The following EMCN variants were observed in gnomAD, a reference collection of about 807,000 sequenced individuals.
The protein encoded by EMCN is endomucin, also known as MUC-14.
A neutral mutation model predicts 38.4 loss-of-function variants in EMCN; 37 were observed. The ratio of observed to expected loss-of-function variants is 0.96; its 90% CI spans 0.74 to 1.27. EMCN has a LOEUF of 1.27. Among genes scored for constraint, EMCN ranks in the 50% most tolerant of loss-of-function variants. The pLI, the probability that EMCN is intolerant of heterozygous loss-of-function variation, is 0.00. For synonymous variants in EMCN, 95 were observed against 100.8 expected (o/e 0.94, Z 0.35); for missense variants, 318 against 302.8 (o/e 1.05, Z -0.37).
chr4:100,496,241 C>T (rs1000460454), intron 1 of EMCN, among the ~76,000 whole-genome samples: 2 of 152,092 alleles, frequency 1.3e-5, no homozygotes, highest in Non-Finnish European at 2.9e-5. Flanking sequence ...CTCTTCCTAT[C>T]CTCCTGGGTG....
intron 11 of EMCN, among the ~76,000 whole-genome samples, chr4:100,399,223 T>C (rs1310274041): frequency 6.6e-6 from 1 of 152,180 alleles, no homozygotes; most frequent in African/African-American, 2.4e-5. Context: ...GAGCAAGAGA[T>C]GGAGACTTCT....
At chr4:100,452,274 G>C (rs1727864150) in intron 4 of EMCN, among the ~76,000 whole-genome samples, 1 of 152,014 alleles carries the variant, frequency 6.6e-6, no homozygotes, top group African/African-American at 2.4e-5. Flanking sequence ...AAATACATTT[G>C]ATAATTTATT....
intron 4 of EMCN, among the ~76,000 whole-genome samples, chr4:100,464,450 A>C (rs1053379684): frequency 1.3e-5 from 2 of 152,106 alleles, no homozygotes; most frequent in Non-Finnish European, 2.9e-5. Context: ...TGATAAGAAC[A>C]GACATCTTTG....
intron 11 of EMCN, among the ~76,000 whole-genome samples, chr4:100,408,524 T>C (rs1242859558): frequency 6.6e-6 from 1 of 152,202 alleles, no homozygotes; most frequent in East Asian, 1.9e-4. Flanking sequence ...TGGTTTGCAA[T>C]TTAATAGATA....
At chr4:100,446,920 A>C (rs1018993014) in intron 5 of EMCN, among the ~76,000 whole-genome samples, 10 of 152,252 alleles carry the variant, frequency 6.6e-5, no homozygotes, top group Admixed American at 2.0e-4. Flanking sequence ...AAAGCTTATG[A>C]GATTTGTCAT....
At chr4:100,410,049 G>T (rs1016700980) in intron 11 of EMCN, among the ~76,000 whole-genome samples, 7 of 152,200 alleles carry the variant, frequency 4.6e-5, no homozygotes, top group African/African-American at 1.7e-4. Flanking sequence ...AGCAAATTGT[G>T]TCATTCCTTA....
At chr4:100,475,659 C>CTTTTTTTTTTTT (rs869169290) in intron 2 of EMCN, among the ~76,000 whole-genome samples, 1 of 60,316 alleles carries the variant, frequency 1.7e-5, no homozygotes, top group African/African-American at 8.4e-5. Flanking sequence ...AATTCTAGTC[C>CTTTTTTTTTTTT]TTTTTTTTTT....
At position 100,463,918 on chromosome 4, in the gene EMCN, C is replaced by G. The variant is rs150531524; in HGVS notation, c.376+1505G>C. Among the ~76,000 whole-genome samples, 549 of 152,070 alleles carry G rather than the reference C, an allele frequency of 3.6e-3. 5 individuals carry two copies. Among genetic ancestry groups the G allele is most frequent in the African/African-American group, 0.013 (519 of 41,488 alleles). ...AGGTCCTTTTTATTTCCGTACAAAT[C>G]TAGGGTCATCTTATCAATTTCTTTA... is the stretch of plus-strand genomic sequence containing the variant. On this transcript the variant is annotated intron_variant, in intron 4 of 11. Transcript: ENST00000296420.
At chr4:100,431,561 C>T (rs188963976) in intron 5 of EMCN, among the ~76,000 whole-genome samples, 301 of 152,222 alleles carry the variant, frequency 2.0e-3, no homozygotes, top group Non-Finnish European at 3.7e-3. Context: ...AACACTGGCT[C>T]TTCTTGGAGC....
intron 4 of EMCN, among the ~76,000 whole-genome samples, chr4:100,462,707 T>G (rs1480212393): frequency 6.6e-6 from 1 of 152,172 alleles, no homozygotes; most frequent in Non-Finnish European, 1.5e-5. Flanking sequence ...AAACCACTAC[T>G]ACACGAAAAT....
intron 1 of EMCN, among the ~76,000 whole-genome samples, chr4:100,503,977 A>G (rs2110303494): frequency 6.6e-6 from 1 of 152,334 alleles, no homozygotes; most frequent in East Asian, 1.9e-4. Flanking sequence ...GAAGATGGGA[A>G]AAATAACCAT....
rs1297312589 is a variant in EMCN at position 100,495,250 on chromosome 4, A to C, written c.65-15211T>G. ...TTTTATTTCATTAAACATTGTTTACAAAGCTCAAATCAAATTTGCTGAGTC... is the reference window on the plus strand; with the variant it reads ...TTTTATTTCATTAAACATTGTTTACCAAGCTCAAATCAAATTTGCTGAGTC... On this transcript the variant is annotated intron_variant, in intron 1 of 11. Coordinates refer to ENST00000296420, the MANE Select transcript of EMCN (RefSeq NM_016242.4). Among the ~76,000 whole-genome samples, 7 of 152,180 alleles carry C rather than the reference A, an allele frequency of 4.6e-5. 1 individual carries two copies. The South Asian group carries it at 1.2e-3, about 27-fold the overall frequency.
chr4:100,422,637 C>T (rs1039319875), intron 7 of EMCN, among the ~76,000 whole-genome samples: 4 of 151,572 alleles, frequency 2.6e-5, no homozygotes, highest in African/African-American at 9.7e-5. Flanking sequence ...GGGTATACAA[C>T]CTGATAATTT....
intron 8 of EMCN, among the ~76,000 whole-genome samples, chr4:100,418,563 GT>G (rs1478857119): frequency 6.6e-6 from 1 of 151,928 alleles, no homozygotes; most frequent in Non-Finnish European, 1.5e-5. Flanking sequence ...CCAGCTTCTG[GT>G]AGCCATCCTT....
chr4:100,471,502 A>G (rs1169764109), intron 3 of EMCN, among the ~76,000 whole-genome samples: 5 of 151,966 alleles, frequency 3.3e-5, no homozygotes, highest in African/African-American at 1.2e-4. Flanking sequence ...GGAAAATTCT[A>G]CCAAATATTT....
In EMCN at chr4:100,473,379, T is replaced by TG. The variant is rs1728543970; in HGVS notation, c.259+1658_259+1659insC. On this transcript the variant is annotated intron_variant, in intron 3 of 11. Transcript: ENST00000296420. ...TCCCGTTTCGTGTTTTTTTGTTTTT[T>TG]TTTTTTGTTTTTTTTTTTGCTAATG... is the stretch of plus-strand genomic sequence containing the variant. 1.6e-5 allele frequency among the ~76,000 whole-genome samples: 2 copies of TG among 123,310 alleles called. 1 individual carries two copies. Among genetic ancestry groups the TG allele is most frequent in the Non-Finnish European group, 3.2e-5 (2 of 62,240 alleles). The allele number at this position is 123,310 out of a possible 152,430, so 80.9% of individuals were successfully genotyped here.
At chr4:100,517,770 A>C in intron 1 of EMCN, 81 bp downstream of exon 1, 1 of 1,269,920 alleles carries the variant, frequency 7.9e-7, no homozygotes, top group Non-Finnish European at 1.2e-6. Context: ...TCAGGGGAAG[A>C]TCCCTGAAAG....
At chr4:100,426,937 T>C (rs1727061253) in intron 5 of EMCN, among the ~76,000 whole-genome samples, 1 of 152,134 alleles carries the variant, frequency 6.6e-6, no homozygotes, top group South Asian at 2.1e-4. Flanking sequence ...TCTATGGGTT[T>C]ACAAAATCCC....
rs935249235 is a variant in EMCN at position 100,483,018 on chromosome 4, C to T, written c.65-2979G>A. ...GGCCCCTGATTTCCCCTGAGTCAAA[C>T]TTTAATTAATTAGTACTCTTTAACA... On this transcript the variant is annotated intron_variant, in intron 1 of 11. Coordinates refer to ENST00000296420, the MANE Select transcript of EMCN (RefSeq NM_016242.4). 3.3e-5 allele frequency among the ~76,000 whole-genome samples: 5 copies of T among 152,086 alleles called. No homozygotes were observed. In the East Asian group the frequency reaches 9.6e-4, roughly 29 times the overall value.
Sources: gnomAD v4.1 joint callset for allele counts (sites outside exome capture counted in the v4.1 genomes callset) on GRCh38, gnomAD v4.1.1 for gene constraint, MANE v1.5 for transcripts, NCBI Gene and HGNC (gene_info 2026-07-23, HGNC 2026-07-21) for gene names.